Variants in NPAS3 observed in about 807,000 individuals in gnomAD.
The protein encoded by NPAS3 is neuronal PAS domain protein 3, also known as neuronal PAS domain-containing protein 3.
NPAS3 carries 14 observed loss-of-function variants against 73.1 expected under a neutral mutation model. The observed-to-expected ratio is 0.19, with a 90% confidence interval of 0.13 to 0.30. The LOEUF is 0.30. NPAS3 is among the 10% of genes least tolerant of loss of function. The pLI, the probability that NPAS3 is intolerant of heterozygous loss-of-function variation, is 1.00. For missense variants in NPAS3, 1,096 were observed against 1,250.0 expected, an observed-to-expected ratio of 0.88 and a Z score of 1.86; for synonymous variants, 620 against 541.5, an observed-to-expected ratio of 1.14 and a Z score of -2.01.
intron 2 of NPAS3, among the ~76,000 whole-genome samples, chr14:33,200,127 A>G (rs1362133846): frequency 6.6e-6 from 1 of 151,892 alleles, no homozygotes; most frequent in Admixed American, 6.5e-5. Flanking sequence ...TTAAATGTTC[A>G]ATAAAACTGT....
intron 5 of NPAS3, among the ~76,000 whole-genome samples, chr14:33,612,109 A>T (rs1055442012): frequency 1.3e-5 from 2 of 152,042 alleles, no homozygotes; most frequent in African/African-American, 4.8e-5. Context: ...ACTGTCCACT[A>T]GTGTGCTGCT....
At chr14:33,074,475 G>T (rs1461716918) in intron 2 of NPAS3, among the ~76,000 whole-genome samples, 1 of 152,166 alleles carries the variant, frequency 6.6e-6, no homozygotes, top group Non-Finnish European at 1.5e-5. Flanking sequence ...GGAGGGCAGT[G>T]GCATGATCTC....
At chr14:33,784,866 T>C (rs1228735440) in intron 9 of NPAS3, among the ~76,000 whole-genome samples, 1 of 148,008 alleles carries the variant, frequency 6.8e-6, no homozygotes, top group Non-Finnish European at 1.5e-5. Flanking sequence ...TTCTCCTGCC[T>C]CAGCCTCCCG....
At chr14:33,686,689 G>C (rs2140387225) in intron 6 of NPAS3, among the ~76,000 whole-genome samples, 1 of 152,224 alleles carries the variant, frequency 6.6e-6, no homozygotes, top group East Asian at 1.9e-4. Context: ...ATAGTAGGTA[G>C]ACGGTCTAGA....
chr14:33,418,211 G>C (rs1012112141), intron 4 of NPAS3, among the ~76,000 whole-genome samples: 2 of 151,872 alleles, frequency 1.3e-5, no homozygotes, highest in African/African-American at 4.8e-5. Flanking sequence ...TAATTGGTGT[G>C]CATCCCCCAT....
chr14:33,613,701 T>C (rs2057824146), intron 5 of NPAS3, among the ~76,000 whole-genome samples: 1 of 152,184 alleles, frequency 6.6e-6, no homozygotes, highest in South Asian at 2.1e-4. Flanking sequence ...CCCTCCTCCC[T>C]GAAGCGTTTC....
chr14:33,097,853 T>C (rs1222572940), intron 2 of NPAS3, among the ~76,000 whole-genome samples: 1 of 151,956 alleles, frequency 6.6e-6, no homozygotes, highest in East Asian at 1.9e-4. Context: ...TTCTACTGAG[T>C]TATTATCTGC....
chr14:33,369,301 A>G (rs1472815822), intron 4 of NPAS3, among the ~76,000 whole-genome samples: 1 of 151,230 alleles, frequency 6.6e-6, no homozygotes, highest in Non-Finnish European at 1.5e-5. Flanking sequence ...ACTAGAAATC[A>G]TATTACGTGA....
chr14:33,521,002 G>C (rs2053530701), intron 4 of NPAS3, among the ~76,000 whole-genome samples: 1 of 152,248 alleles, frequency 6.6e-6, no homozygotes, highest in South Asian at 2.1e-4. Context: ...TGTTGTATCT[G>C]ATAAATTTTA....
intron 2 of NPAS3, among the ~76,000 whole-genome samples, chr14:33,191,986 G>A (rs1437658326): frequency 6.6e-6 from 1 of 152,018 alleles, no homozygotes; most frequent in Non-Finnish European, 1.5e-5. Context: ...GTAATTCATG[G>A]GATTTAAAAG....
At chr14:33,254,080 C>G (rs1196929433) in intron 3 of NPAS3, among the ~76,000 whole-genome samples, 1 of 152,060 alleles carries the variant, frequency 6.6e-6, no homozygotes, top group Non-Finnish European at 1.5e-5. Flanking sequence ...TTTACTTAAA[C>G]CTATCATTAT....
rs933863850 is a variant in NPAS3 at position 33,605,670 on chromosome 14, C to G, written c.558+45460C>G. On this transcript the variant is annotated intron_variant, in intron 5 of 11. Transcript: ENST00000356141. ...CTTCAACACTTAAGGACAAATCTGA[C>G]AAAATATGTGAAAGACATGTACATT... Among the ~76,000 whole-genome samples, 3 of 152,066 alleles carry G rather than the reference C, an allele frequency of 2.0e-5. No homozygotes were observed. The East Asian group carries it at 5.8e-4, about 29-fold the overall frequency.
chr14:33,320,455 A>G (rs1416850699), intron 3 of NPAS3, among the ~76,000 whole-genome samples: 2 of 152,184 alleles, frequency 1.3e-5, no homozygotes, highest in African/African-American at 4.8e-5. Context: ...AATTTTTAAA[A>G]AAGAAAGATT....
chr14:33,715,868 G>C (rs2060944320), intron 6 of NPAS3, among the ~76,000 whole-genome samples: 1 of 152,128 alleles, frequency 6.6e-6, no homozygotes, highest in African/African-American at 2.4e-5. Flanking sequence ...AGTCTCACAA[G>C]ATTTGATGGT....
intron 1 of NPAS3, among the ~76,000 whole-genome samples, chr14:33,019,896 A>C (rs998962015): frequency 1.3e-4 from 20 of 152,194 alleles, no homozygotes; most frequent in Admixed American, 1.2e-3. Flanking sequence ...TCATGAAATT[A>C]ACTTTTTGAT....
chr14:33,033,901 C>T (rs1476686101), intron 1 of NPAS3, among the ~76,000 whole-genome samples: 1 of 152,132 alleles, frequency 6.6e-6, no homozygotes, highest in South Asian at 2.1e-4. Context: ...GCCTTTGAAG[C>T]TTATGCATAA....
At chr14:33,321,650 C>CA (rs2043453233) in intron 3 of NPAS3, among the ~76,000 whole-genome samples, 1 of 151,950 alleles carries the variant, frequency 6.6e-6, no homozygotes, top group South Asian at 2.1e-4. Flanking sequence ...CTCAGTTCCT[C>CA]AACTGTAAAA....
intron 8 of NPAS3, 126 bp from the exon 9 acceptor site, chr14:33,778,340 C>G (rs1422499164): frequency 9.5e-6 from 6 of 632,920 alleles, no homozygotes; most frequent in Non-Finnish European, 1.4e-5. Context: ...GTTTCCCTCA[C>G]AGTGCCACCT....
At chr14:32,943,693 C>CTT (rs11331212) in intron 1 of NPAS3, among the ~76,000 whole-genome samples, 84 of 122,288 alleles carry the variant, frequency 6.9e-4, no homozygotes, top group East Asian at 3.1e-3. Flanking sequence ...TTTTCTTTTT[C>CTT]TTTTTTTTTT....
Sources: allele counts gnomAD v4.1 joint callset (sites outside exome capture counted in the v4.1 genomes callset), GRCh38; gene constraint gnomAD v4.1.1; transcripts MANE v1.5; gene names NCBI Gene and HGNC (gene_info 2026-07-23, HGNC 2026-07-21).